DNAJC17: variants seen among roughly 807,000 people sequenced by gnomAD.
The protein encoded by DNAJC17 is DnaJ heat shock protein family (Hsp40) member C17.
DNAJC17 carries 35 observed loss-of-function variants against 48.1 expected under a neutral mutation model. The ratio of observed to expected loss-of-function variants is 0.73; its 90% CI spans 0.56 to 0.96. The LOEUF (loss-of-function observed/expected upper bound fraction) is 0.96, where lower values mean the gene tolerates loss of function less well. DNAJC17 is among the 50% of genes least tolerant of loss of function. The probability of loss-of-function intolerance (pLI) is 0.00; values close to 1 mark genes in which losing one functional copy is unlikely to be tolerated. For missense variants in DNAJC17, 355 were observed against 377.1 expected, an observed-to-expected ratio of 0.94 and a Z score of 0.48; for synonymous variants, 117 against 142.7, an observed-to-expected ratio of 0.82 and a Z score of 1.28.
At chr15:40,798,467 A>G (rs755058365) in intron 1 of DNAJC17, among the ~76,000 whole-genome samples, 3 of 152,208 alleles carry the variant, frequency 2.0e-5, no homozygotes, top group Non-Finnish European at 4.4e-5. Context: ...ATGCCAGTGA[A>G]TCCTTTAATC....
At chr15:40,803,553 T>C (rs147979964) in intron 1 of DNAJC17, among the ~76,000 whole-genome samples, 3 of 152,324 alleles carry the variant, frequency 2.0e-5, no homozygotes, top group African/African-American at 7.2e-5. Flanking sequence ...TGTATTAATA[T>C]ATACATTTGC....
intron 8 of DNAJC17, among the ~76,000 whole-genome samples, chr15:40,774,685 T>C (rs1241384337): frequency 6.6e-6 from 1 of 152,254 alleles, no homozygotes; most frequent in Non-Finnish European, 1.5e-5. Flanking sequence ...CACATTTCAT[T>C]GCATAGCGTC....
intron 1 of DNAJC17, among the ~76,000 whole-genome samples, chr15:40,781,372 C>T (rs898466894): frequency 2.6e-5 from 4 of 151,256 alleles, no homozygotes; most frequent in African/African-American, 9.7e-5. Flanking sequence ...TGGTGGCGTG[C>T]ACCTGTAGAC....
chr15:40,787,474 C>A (rs1889671280), intron 1 of DNAJC17, among the ~76,000 whole-genome samples: 1 of 152,156 alleles, frequency 6.6e-6, no homozygotes, highest in African/African-American at 2.4e-5. Flanking sequence ...TTCACAATTT[C>A]TCCTCCTCCC....
chr15:40,765,546 C>T lies in DNAJC17; in HGVS notation c.*2394G>A. ...CAAACTCCTCCCACCTCAAGCGATC[C>T]TCCCACCTCAGCCTCAGTAGCTGGA... On this transcript the variant is annotated 3_prime_UTR_variant, in exon 11 of 11. Coordinates refer to ENST00000220496, the MANE Select transcript of DNAJC17 (RefSeq NM_018163.3). 3.9e-6 allele frequency: 1 copy of T among 257,124 alleles called. No individual in the cohort carries two copies. The highest frequency in any genetic ancestry group is 7.3e-6 in the Non-Finnish European group (1 of 136,414). 15.9% of individuals were successfully genotyped at this position (257,124 alleles called of 1,614,324 possible). A position where few individuals can be genotyped will look rare whatever the true frequency, so the allele number is the denominator to read the frequency against.
Position 40,770,224 on chromosome 15 carries a change from T to A in DNAJC17, c.793-2162A>T. On this transcript the variant is annotated intron_variant, in intron 10 of 10. Transcript: ENST00000220496. The surrounding 1 kb of genome is among the most constrained non-coding windows in gnomAD (Gnocchi z 5.0). ...TTCTTCCTCCTGGGTTTTTTTCCACTACCCTATTCAGTAACCAGGCCACTC... is the reference window on the plus strand; with the variant it reads ...TTCTTCCTCCTGGGTTTTTTTCCACAACCCTATTCAGTAACCAGGCCACTC... 4.9e-6 allele frequency: 2 copies of A among 409,766 alleles called. No homozygotes were observed. The highest frequency in any genetic ancestry group is 5.2e-5 in the South Asian group (1 of 19,270). The allele number at this position is 409,766 out of a possible 1,614,324, so 25.4% of individuals were successfully genotyped here. A position where few individuals can be genotyped will look rare whatever the true frequency, so the allele number is the denominator to read the frequency against.
chr15:40,807,306 G>A (rs1435244840), intron 1 of DNAJC17, 63 bp downstream of exon 1: 6 of 1,613,718 alleles, frequency 3.7e-6, no homozygotes, highest in Non-Finnish European at 5.1e-6. Context: ...CAGTGGCCGA[G>A]GCGCTAGGAC....
intron 1 of DNAJC17, among the ~76,000 whole-genome samples, chr15:40,799,790 A>C (rs1163400062): frequency 6.6e-6 from 1 of 152,148 alleles, no homozygotes; most frequent in African/African-American, 2.4e-5. Flanking sequence ...TGCACCACCA[A>C]CAATGCACAG....
intron 1 of DNAJC17, chr15:40,792,482 C>CA: frequency 1.0e-6 from 1 of 985,404 alleles, no homozygotes; most frequent in Non-Finnish European, 1.2e-6. Flanking sequence ...ACACACCCTT[C>CA]AAAGGGCTTC....
rs750056937 is a variant in DNAJC17, at chr15:40,779,296, C to G, written c.222G>C (p.Lys74Asn). 8 of 1,614,046 alleles carry G rather than the reference C, an allele frequency of 5.0e-6. No individual in the cohort carries two copies. The highest frequency in any genetic ancestry group is 6.8e-6 in the Non-Finnish European group (8 of 1,180,032). ...TDAAARAAYD[K>N]VRKAKKQAAE... is the part of the protein sequence containing the mutation. Reference sequence around the variant, plus strand: ...CTGCTTGCTTCTTGGCTTTCCTGACCTTGTCATATGCAGCCTGGCAGGAGA... The same window carrying G: ...CTGCTTGCTTCTTGGCTTTCCTGACGTTGTCATATGCAGCCTGGCAGGAGA... The change falls in exon 4 of 11, where the codon AAG (lysine) becomes AAC (asparagine). Residue 74 changes from lysine (K) to asparagine (N), a missense_variant. Lys to Asn is a moderately conservative substitution (Grantham distance 94). Coordinates refer to ENST00000220496, the MANE Select transcript of DNAJC17 (RefSeq NM_018163.3).
In DNAJC17 at chr15:40,769,485, C is replaced by T. The variant is rs558225622; in HGVS notation, c.793-1423G>A. ...CTCTGCCAAGAAAACTTGGAGCCAC[C>T]CTTGGCGGGCCCCCAGCCCAACCCT... On this transcript the variant is annotated intron_variant, in intron 10 of 10. Coordinates refer to ENST00000220496, the MANE Select transcript of DNAJC17 (RefSeq NM_018163.3). This position sits in a 1 kb window ranked among gnomAD's most constrained non-coding sequence, Gnocchi z 4.2. Among the ~76,000 whole-genome samples the T allele has an allele frequency of 1.3e-5, 2 of 152,350 alleles. No individual in the cohort carries two copies. The highest frequency in any genetic ancestry group is 4.1e-4 in the South Asian group (2 of 4,830).
chr15:40,788,287 G>A (rs1215644901), intron 1 of DNAJC17, among the ~76,000 whole-genome samples: 1 of 152,218 alleles, frequency 6.6e-6, no homozygotes, highest in East Asian at 1.9e-4. Flanking sequence ...CTCTGGCCAG[G>A]CATGGTGGCT....
chr15:40,791,515 G>A (rs1889805153), intron 1 of DNAJC17, among the ~76,000 whole-genome samples: 1 of 150,708 alleles, frequency 6.6e-6, no homozygotes, highest in Non-Finnish European at 1.5e-5. Flanking sequence ...GTGACAGAGT[G>A]ACTCCATCTC....
At chr15:40,775,715 C>T (rs1889300823) in intron 6 of DNAJC17, 119 bp from the exon 7 acceptor site, 2 of 1,015,874 alleles carry the variant, frequency 2.0e-6, no homozygotes, top group Non-Finnish European at 3.0e-6. Flanking sequence ...AAGGGCAATG[C>T]CTGCCCAGCT....
Position 40,765,978 on chromosome 15 carries a change from C to A in DNAJC17, c.*1962G>T. The stretch of plus-strand genomic sequence containing the variant: ...CTGCCAGCCCCTAGACCTGCCTCTG[C>A]TCCCTTTATACAACCTCCAAGCCCA... On this transcript the variant is annotated 3_prime_UTR_variant, in exon 11 of 11. Transcript: ENST00000220496. 1 of 855,388 alleles carries A rather than the reference C, an allele frequency of 1.2e-6. No homozygotes were observed. The highest frequency in any genetic ancestry group is 2.9e-5 in the East Asian group (1 of 35,054). 53.0% of individuals were successfully genotyped at this position (855,388 alleles called of 1,614,324 possible).
rs996117606 is a variant in DNAJC17 at position 40,770,326 on chromosome 15, G to A, written c.793-2264C>T. 10 of 664,360 alleles carry A rather than the reference G, an allele frequency of 1.5e-5. No homozygotes were observed. In the African/African-American group the frequency reaches 1.6e-4, roughly 11 times the overall value. 41.2% of individuals were successfully genotyped at this position (664,360 alleles called of 1,614,324 possible). A position where few individuals can be genotyped will look rare whatever the true frequency, so the allele number is the denominator to read the frequency against. ...CTGGGCAAAAAAGTTCCTTCTTCCT[G>A]AGCCCTCCTCTCACCATCCAAGATG... On this transcript the variant is annotated intron_variant, in intron 10 of 10. Transcript: ENST00000220496. The surrounding 1 kb of genome is among the most constrained non-coding windows in gnomAD (Gnocchi z 5.0).
In DNAJC17 at chr15:40,776,611, C is replaced by T. The variant is rs979435654; in HGVS notation, c.312G>A (p.Glu104=). 6.2e-7 allele frequency: 1 copy of T among 1,614,034 alleles called. No individual in the cohort carries two copies. ...CACTCTCCTGGGCCTGGGCCTGCCG[C>T]TCCCGGGCCTCCAGGTCTAGACACA... The part of the protein sequence containing the change: ...KKVKLDLEAR[E]RQAQAQESEE... Residue 104 remains glutamate, a synonymous_variant, in exon 5 of 11, where the codon GAG becomes GAA. Transcript: ENST00000220496.
chr15:40,806,250 G>A (rs894920472), intron 1 of DNAJC17, among the ~76,000 whole-genome samples: 1 of 133,700 alleles, frequency 7.5e-6, no homozygotes, highest in African/African-American at 2.9e-5. Context: ...AGACAGTCTC[G>A]CTCTGTCGCC....
intron 1 of DNAJC17, among the ~76,000 whole-genome samples, chr15:40,798,226 C>T (rs376602684): frequency 3.9e-5 from 6 of 152,078 alleles, no homozygotes; most frequent in African/African-American, 7.2e-5. Flanking sequence ...GTTAATTAAG[C>T]GAAATAAGCC....
Sources: gnomAD v4.1 joint callset for allele counts (sites outside exome capture counted in the v4.1 genomes callset) on GRCh38, gnomAD v4.1.1 for gene constraint, Gnocchi (gnomAD v3.1) non-coding constraint, MANE v1.5 for transcripts, NCBI Gene and HGNC (gene_info 2026-07-23, HGNC 2026-07-21) for gene names.